The following EFCAB11 variants were observed in gnomAD, a reference collection of about 807,000 sequenced individuals.
The protein encoded by EFCAB11 is EF-hand calcium-binding domain-containing protein 11.
Under a neutral mutation model 23.0 loss-of-function variants are expected in EFCAB11, and 14 were observed. The observed-to-expected ratio is 0.61, with a 90% confidence interval of 0.40 to 0.95. The LOEUF (loss-of-function observed/expected upper bound fraction) is 0.95, where lower values mean the gene tolerates loss of function less well. EFCAB11 is among the 40% of genes least tolerant of loss of function. The pLI, the probability that EFCAB11 is intolerant of heterozygous loss-of-function variation, is 0.00. For missense variants in EFCAB11, 198 were observed against 195.8 expected, an observed-to-expected ratio of 1.01 and a Z score of -0.07; for synonymous variants, 65 against 66.6, an observed-to-expected ratio of 0.98 and a Z score of 0.11.
Position 89,953,892 on chromosome 14 carries a change from T to C in EFCAB11, c.171+14A>G, listed in dbSNP as rs1891301651. The C allele has an allele frequency of 1.9e-6, 3 of 1,608,742 alleles. No homozygotes were observed. Among genetic ancestry groups the C allele is most frequent in the African/African-American group, 1.3e-5 (1 of 74,792 alleles). On this transcript the variant is annotated intron_variant, in intron 2 of 5. Coordinates refer to ENST00000316738, the MANE Select transcript of EFCAB11 (RefSeq NM_145231.4). ...ATCGTCTACCCCATCCCCAAATATA[T>C]AAGAAAGCTCTACCTTGGAGGGCTT...
intron 3 of EFCAB11, among the ~76,000 whole-genome samples, chr14:89,941,995 T>C (rs4904629): frequency 0.36 from 55,378 of 151,892 alleles, 12,000 homozygotes; most frequent in Non-Finnish European, 0.49. Context: ...TTCCCCCTTG[T>C]TGTTCTCACC....
intron 5 of EFCAB11, among the ~76,000 whole-genome samples, chr14:89,919,185 TGAGAGAGAGAGAGAGAGACAGAGA>T (rs1347986003): frequency 2.2e-5 from 3 of 138,352 alleles, no homozygotes; most frequent in African/African-American, 6.2e-5. Context: ...TCACACTTGA[TGAGAGAGAGAGAGAGAGACAGAGA>T]GAGAGAGAGA....
rs1298295595 is a variant in EFCAB11 at position 89,953,908 on chromosome 14, T to C, written c.169A>G (p.Lys57Glu). The C allele has an allele frequency of 6.2e-7, 1 of 1,612,964 alleles. No homozygotes were observed. The highest frequency in any genetic ancestry group is 8.5e-7 in the Non-Finnish European group (1 of 1,179,614). The change falls in exon 2 of 6, where the codon AAG (lysine) becomes GAG (glutamate). Residue 57 changes from lysine (K) to glutamate (E), a missense_variant and splice_region_variant. Physicochemically the swap from Lys to Glu is moderately conservative, Grantham distance 56 (BLOSUM62 1). Transcript: ENST00000316738. ...VVMLFGYKPS[K>E]IEVDSVMSSI... The stretch of plus-strand genomic sequence containing the variant: ...CCAAATATATAAGAAAGCTCTACCT[T>C]GGAGGGCTTGTACCCAAACAGCATT...
chr14:89,917,053 C>CGTGTGTGTGT (rs71107570), intron 5 of EFCAB11, among the ~76,000 whole-genome samples: 100 of 136,722 alleles, frequency 7.3e-4, no homozygotes, highest in African/African-American at 2.5e-3. Flanking sequence ...TGACATGCTT[C>CGTGTGTGTGT]GTGTGTGTGT....
intron 5 of EFCAB11, among the ~76,000 whole-genome samples, chr14:89,800,530 T>A (rs909542906): frequency 2.0e-5 from 3 of 152,224 alleles, no homozygotes; most frequent in Non-Finnish European, 2.9e-5. Flanking sequence ...GCTCCCCTTT[T>A]ACCAGACACA....
intron 3 of EFCAB11, among the ~76,000 whole-genome samples, chr14:89,937,219 CT>C (rs987484514): frequency 1.3e-5 from 2 of 152,078 alleles, no homozygotes; most frequent in African/African-American, 4.8e-5. Context: ...CAAACTATTT[CT>C]TTTTTCAGCT....
chr14:89,826,049 G>A (rs1886679960), intron 5 of EFCAB11, among the ~76,000 whole-genome samples: 1 of 151,932 alleles, frequency 6.6e-6, no homozygotes, highest in Non-Finnish European at 1.5e-5. Flanking sequence ...CAGGGTGGTG[G>A]GGGAGACAAA....
chr14:89,916,364 A>G (rs1456772277), intron 5 of EFCAB11, among the ~76,000 whole-genome samples: 9 of 152,166 alleles, frequency 5.9e-5, no homozygotes, highest in African/African-American at 1.9e-4. Flanking sequence ...AAAGAATCAA[A>G]TTTGACTCTG....
chr14:89,824,791 G>T (rs28866232), intron 5 of EFCAB11, among the ~76,000 whole-genome samples: 1 of 151,930 alleles, frequency 6.6e-6, no homozygotes, highest in Non-Finnish European at 1.5e-5. Context: ...TAGCAGGGTC[G>T]ATTAATCAAG....
At chr14:89,938,795 C>T (rs1000305447) in intron 3 of EFCAB11, among the ~76,000 whole-genome samples, 2 of 151,822 alleles carry the variant, frequency 1.3e-5, no homozygotes, top group Non-Finnish European at 2.9e-5. Context: ...GGTGGTGCCG[C>T]ACCTGTAATC....
chr14:89,945,979 T>C (rs1034456749), intron 3 of EFCAB11, among the ~76,000 whole-genome samples: 2 of 151,614 alleles, frequency 1.3e-5, no homozygotes, highest in African/African-American at 4.9e-5. Flanking sequence ...AGTGCCGTGA[T>C]GCAATCTGGG....
chr14:89,946,571 GAATT>G (rs1422131244), intron 3 of EFCAB11, among the ~76,000 whole-genome samples: 26 of 151,516 alleles, frequency 1.7e-4, no homozygotes, highest in Non-Finnish European at 3.7e-4. Flanking sequence ...TCCTTCTGTT[GAATT>G]AATTAAGTTT....
intron 5 of EFCAB11, among the ~76,000 whole-genome samples, chr14:89,823,591 TG>T (rs1886597395): frequency 6.6e-6 from 1 of 151,994 alleles, no homozygotes; most frequent in Non-Finnish European, 1.5e-5. Flanking sequence ...AGCTGGAAAA[TG>T]TGACCAATAA....
Position 89,797,197 on chromosome 14 carries a change from A to G in EFCAB11, c.*46T>C. On this transcript the variant is annotated 3_prime_UTR_variant, in exon 6 of 6. Transcript: ENST00000316738. ...TAGTAGAGTCGAGTCTGCTGACATTACAATCTATTGATCTCCCCAGAGTTA... is the reference window on the plus strand; with the variant it reads ...TAGTAGAGTCGAGTCTGCTGACATTGCAATCTATTGATCTCCCCAGAGTTA... 1 of 1,521,358 alleles carries G rather than the reference A, an allele frequency of 6.6e-7. No individual in the cohort carries two copies. The highest frequency in any genetic ancestry group is 9.1e-7 in the Non-Finnish European group (1 of 1,101,668). The allele number at this position is 1,521,358 out of a possible 1,614,324, so 94.2% of individuals were successfully genotyped here.
intron 4 of EFCAB11, 28 bp from the exon 5 acceptor site, chr14:89,931,659 CT>C: frequency 6.3e-7 from 1 of 1,594,880 alleles, no homozygotes; most frequent in East Asian, 2.2e-5. Flanking sequence ...AAAATATTCA[CT>C]TACTTTAATA....
At chr14:89,869,814 T>C (rs919779713) in intron 5 of EFCAB11, among the ~76,000 whole-genome samples, 1 of 152,176 alleles carries the variant, frequency 6.6e-6, no homozygotes, top group Non-Finnish European at 1.5e-5. Context: ...GAATCTAGTG[T>C]CCTAACTCCC....
At chr14:89,873,115 T>C (rs1888333596) in intron 5 of EFCAB11, among the ~76,000 whole-genome samples, 1 of 152,200 alleles carries the variant, frequency 6.6e-6, no homozygotes, top group Non-Finnish European at 1.5e-5. Flanking sequence ...AAAGGAGGTT[T>C]AATTGACTCA....
At chr14:89,934,779 A>G (rs1033494167) in intron 3 of EFCAB11, among the ~76,000 whole-genome samples, 8 of 152,208 alleles carry the variant, frequency 5.3e-5, no homozygotes, top group African/African-American at 1.9e-4. Context: ...CCATGTGCCC[A>G]TAAGATCATA....
At chr14:89,888,773 G>A (rs2140185653) in intron 5 of EFCAB11, among the ~76,000 whole-genome samples, 1 of 152,234 alleles carries the variant, frequency 6.6e-6, no homozygotes, top group Middle Eastern at 3.4e-3. Context: ...CCTTGCTCTT[G>A]GACTTCCCGG....
Sources: gnomAD v4.1 joint callset for allele counts (sites outside exome capture counted in the v4.1 genomes callset) on GRCh38, gnomAD v4.1.1 for gene constraint, MANE v1.5 for transcripts, NCBI Gene and HGNC (gene_info 2026-07-23, HGNC 2026-07-21) for gene names.